Variants in TPTE observed in about 807,000 individuals in gnomAD.
The protein encoded by TPTE is putative tyrosine-protein phosphatase TPTE.
A neutral mutation model predicts 84.1 loss-of-function variants in TPTE; 59 were observed. The observed-to-expected ratio is 0.70, with a 90% CI of 0.57 to 0.87. TPTE has a LOEUF of 0.87. Ranked by LOEUF, TPTE falls within the 40% of genes least tolerant of loss-of-function variation. The pLI, the probability that TPTE is intolerant of heterozygous loss-of-function variation, is 0.00. For synonymous variants in TPTE, 130 were observed against 223.5 expected, an observed-to-expected ratio of 0.58 and a Z score of 3.73; for missense variants, 382 against 659.6, an observed-to-expected ratio of 0.58 and a Z score of 4.61.
chr21:10,536,476 T>G (rs1199587670), intron 3 of TPTE, among the ~76,000 whole-genome samples: 2 of 152,308 alleles, frequency 1.3e-5, no homozygotes, highest in Non-Finnish European at 2.9e-5. Context: ...GAACCACCAA[T>G]GAAATGTGAA....
chr21:10,551,234 A>C (rs1380553036), intron 7 of TPTE, among the ~76,000 whole-genome samples: 1,508 of 150,968 alleles, frequency 1.0e-2, no homozygotes, highest in African/African-American at 0.035. Flanking sequence ...GGAATTGAAC[A>C]ATGAGAACAC....
intron 23 of TPTE, 47 bp downstream of exon 23, chr21:10,603,679 C>CT (rs1978894866): frequency 6.3e-7 from 1 of 1,595,982 alleles, no homozygotes; most frequent in South Asian, 1.1e-5. Flanking sequence ...TCTTCAATGT[C>CT]TATGTATAAG....
chr21:10,537,919 A>G (rs1672827777), intron 3 of TPTE, among the ~76,000 whole-genome samples: 1 of 152,308 alleles, frequency 6.6e-6, no homozygotes, highest in South Asian at 2.1e-4. Context: ...ATCTCACTAT[A>G]GGATATGAAG....
chr21:10,600,108 TTTG>T (rs1600988580), intron 21 of TPTE, among the ~76,000 whole-genome samples: 1 of 152,038 alleles, frequency 6.6e-6, no homozygotes, highest in Non-Finnish European at 1.5e-5. Flanking sequence ...CCCGACATTA[TTTG>T]TTGTTGTTTT....
At chr21:10,540,760 G>A (rs1213213896) in intron 4 of TPTE, 1 of 521,318 alleles carries the variant, frequency 1.9e-6, no homozygotes, top group African/African-American at 1.9e-5. Flanking sequence ...GGAGGTGATT[G>A]GAGGTGATAG....
intron 7 of TPTE, among the ~76,000 whole-genome samples, chr21:10,546,359 CCTT>C (rs1180356739): frequency 1.3e-5 from 2 of 152,306 alleles, no homozygotes; most frequent in Non-Finnish European, 2.9e-5. Context: ...CCATCTCTCT[CCTT>C]CTCCTTGGGC....
At chr21:10,533,674 T>G (rs1021020374) in intron 3 of TPTE, among the ~76,000 whole-genome samples, 1 of 152,306 alleles carries the variant, frequency 6.6e-6, no homozygotes, top group African/African-American at 2.4e-5. Flanking sequence ...CACTGAAATC[T>G]AGGACGTAAG....
chr21:10,524,892 CAAATAA>C (rs1461717404), intron 2 of TPTE, among the ~76,000 whole-genome samples: 1 of 152,284 alleles, frequency 6.6e-6, no homozygotes, highest in Non-Finnish European at 1.5e-5. Context: ...TGTGACCCAG[CAAATAA>C]AAATAGAAAA....
At chr21:10,565,707 A>G (rs1419933663) in intron 10 of TPTE, among the ~76,000 whole-genome samples, 1 of 152,286 alleles carries the variant, frequency 6.6e-6, no homozygotes, top group Non-Finnish European at 1.5e-5. Context: ...ATCCACACAC[A>G]CTTACAGTGA....
chr21:10,530,835 T>C (rs2074164849), intron 3 of TPTE, among the ~76,000 whole-genome samples: 1 of 152,308 alleles, frequency 6.6e-6, no homozygotes, highest in Non-Finnish European at 1.5e-5. Flanking sequence ...TATCAAACTT[T>C]CCAATTTATA....
intron 22 of TPTE, 96 bp downstream of exon 22, chr21:10,602,246 TA>T (rs1469745151): frequency 5.6e-6 from 8 of 1,418,100 alleles, no homozygotes; most frequent in Admixed American, 5.1e-5. Context: ...AAGGGAGGGG[TA>T]GGGGGAAGAA....
chr21:10,568,593 T>TGG, intron 11 of TPTE, among the ~76,000 whole-genome samples: 1 of 152,312 alleles, frequency 6.6e-6, no homozygotes, highest in Admixed American at 6.5e-5. Flanking sequence ...TTCCCTGGAC[T>TGG]ACAGCTCAGG....
intron 18 of TPTE, 46 bp downstream of exon 18, chr21:10,590,569 G>C: frequency 1.2e-6 from 2 of 1,612,158 alleles, no homozygotes; most frequent in Middle Eastern, 1.7e-4. Context: ...GATTGAGTTT[G>C]CTAGTTCTGA....
intron 4 of TPTE, among the ~76,000 whole-genome samples, chr21:10,539,249 A>T (rs796290023): frequency 0.018 from 2,683 of 151,024 alleles, no homozygotes; most frequent in African/African-American, 0.064. Context: ...CCCTGGGCAG[A>T]AAAGAACAGA....
intron 1 of TPTE, among the ~76,000 whole-genome samples, chr21:10,524,110 C>G (rs762277639): frequency 6.6e-6 from 1 of 152,308 alleles, no homozygotes; most frequent in Non-Finnish European, 1.5e-5. Flanking sequence ...ACACAGAGTT[C>G]TTACTACAGA....
intron 14 of TPTE, among the ~76,000 whole-genome samples, chr21:10,574,752 G>A (rs2338943): frequency 6.6e-5 from 10 of 152,264 alleles, no homozygotes; most frequent in African/African-American, 2.4e-4. Flanking sequence ...AGTCCTGCCC[G>A]GGAAACCGTG....
chr21:10,591,544 T>G (rs1269749932), intron 18 of TPTE, among the ~76,000 whole-genome samples: 1 of 152,304 alleles, frequency 6.6e-6, no homozygotes, highest in Non-Finnish European at 1.5e-5. Flanking sequence ...TAAATATTGG[T>G]GTGTGTGTGT....
At chr21:10,535,953 T>C (rs1347988322) in intron 3 of TPTE, among the ~76,000 whole-genome samples, 452 of 152,234 alleles carry the variant, frequency 3.0e-3, no homozygotes, top group African/African-American at 0.01. Flanking sequence ...GTAAGAGGCA[T>C]GTTTCCTTAC....
intron 8 of TPTE, among the ~76,000 whole-genome samples, chr21:10,557,777 G>A (rs1176027271): frequency 7.2e-5 from 11 of 152,406 alleles, no homozygotes; most frequent in East Asian, 1.9e-4. Context: ...GGTGGTACAC[G>A]TGAGGTTTGC....
Sources: allele counts gnomAD v4.1 joint callset (sites outside exome capture counted in the v4.1 genomes callset), GRCh38; gene constraint gnomAD v4.1.1; transcripts MANE v1.5; gene names NCBI Gene and HGNC (gene_info 2026-07-23, HGNC 2026-07-21).